The following CCDC124 variants were observed in gnomAD, a reference collection of about 807,000 sequenced individuals.
The protein encoded by CCDC124 is coiled-coil domain-containing protein 124.
In CCDC124, 9 loss-of-function variants were observed where a neutral mutation model predicts 19.8. That is an observed-to-expected ratio of 0.45 (90% CI 0.27 to 0.79). The LOEUF is 0.79. Among genes scored for constraint, CCDC124 ranks in the 30% least tolerant of loss-of-function variants. The pLI is 0.14. For synonymous variants in CCDC124, 126 were observed against 131.3 expected, an observed-to-expected ratio of 0.96 and a Z score of 0.27; for missense variants, 285 against 319.0, an observed-to-expected ratio of 0.89 and a Z score of 0.81.
Position 17,943,568 on chromosome 19 carries a change from C to T in CCDC124, c.525C>T (p.Ala175=). 2.5e-6 allele frequency: 4 copies of T among 1,612,772 alleles called. 1 individual carries two copies. The highest frequency in any genetic ancestry group is 2.2e-5 in the South Asian group (2 of 91,090). The change falls in exon 5 of 5, where the codon GCC becomes GCT. Residue 175 remains alanine, a synonymous_variant. Coordinates refer to ENST00000445755, the MANE Select transcript of CCDC124 (RefSeq NM_001136203.2). ...GACGCATGCGGGCAGCCTTCACAGCCTTTGAGGAAGCCCAGCTGCCGCGGC... is the reference window on the plus strand; with the variant it reads ...GACGCATGCGGGCAGCCTTCACAGCTTTTGAGGAAGCCCAGCTGCCGCGGC... ...PERRMRAAFT[A]FEEAQLPRLK...
At chr19:17,937,238 G>A (rs1303858913) in intron 2 of CCDC124, among the ~76,000 whole-genome samples, 1 of 150,656 alleles carries the variant, frequency 6.6e-6, no homozygotes, top group East Asian at 1.9e-4. Flanking sequence ...CTGAGATTGT[G>A]CCGTTGCACT....
rs1195559173 is a variant in CCDC124 at position 17,942,529 on chromosome 19, G to C, written c.160-127G>C. The stretch of plus-strand genomic sequence containing the variant: ...CAGCACCGGGACCTATCTTGTTCCT[G>C]GTATGTCCCCTGCACCCAGCACAGA... On this transcript the variant is annotated intron_variant, in intron 2 of 4. Transcript: ENST00000445755. This position sits in a 1 kb window ranked among gnomAD's most constrained non-coding sequence, Gnocchi z 4.2. 4 of 1,072,906 alleles carry C rather than the reference G, an allele frequency of 3.7e-6. No homozygotes were observed. Among genetic ancestry groups the C allele is most frequent in the Non-Finnish European group, 5.3e-6 (4 of 749,106 alleles). The allele number at this position is 1,072,906 out of a possible 1,614,324, so 66.5% of individuals were successfully genotyped here. A position where few individuals can be genotyped will look rare whatever the true frequency, so the allele number is the denominator to read the frequency against.
rs2031220638 is a variant in CCDC124 at position 17,942,984 on chromosome 19, C to T, written c.349+139C>T. On this transcript the variant is annotated intron_variant, in intron 3 of 4. Transcript: ENST00000445755. The surrounding 1 kb of genome is among the most constrained non-coding windows in gnomAD (Gnocchi z 4.2). ...GCAGGGTGGGTGGGTAGGCCGCCTC[C>T]TGGTAGGCCTGGCCGTGAGCAGACA... The T allele has an allele frequency of 7.7e-6, 8 of 1,038,188 alleles. No individual in the cohort carries two copies. In the South Asian group the frequency reaches 1.2e-4, roughly 15 times the overall value. 64.3% of individuals were successfully genotyped at this position (1,038,188 alleles called of 1,614,324 possible). A position where few individuals can be genotyped will look rare whatever the true frequency, so the allele number is the denominator to read the frequency against.
intron 2 of CCDC124, among the ~76,000 whole-genome samples, chr19:17,940,672 A>C (rs935692395): frequency 1.3e-5 from 2 of 150,974 alleles, no homozygotes; most frequent in African/African-American, 4.9e-5. Context: ...AGGCTGAGGC[A>C]GGAGAATCGG....
intron 2 of CCDC124, among the ~76,000 whole-genome samples, chr19:17,939,226 C>T (rs552417051): frequency 3.3e-4 from 50 of 152,004 alleles, no homozygotes; most frequent in Non-Finnish European, 6.9e-4. Flanking sequence ...GAAACCCCAT[C>T]TCTGCTAAAA....
At chr19:17,939,344 G>A (rs770554553) in intron 2 of CCDC124, among the ~76,000 whole-genome samples, 3 of 151,996 alleles carry the variant, frequency 2.0e-5, no homozygotes, top group South Asian at 2.1e-4. Flanking sequence ...GCAGTGAGCC[G>A]GGATCGCGCC....
intron 1 of CCDC124, among the ~76,000 whole-genome samples, chr19:17,935,372 A>G (rs2031036712): frequency 6.6e-6 from 1 of 151,582 alleles, no homozygotes; most frequent in Non-Finnish European, 1.5e-5. Flanking sequence ...GGAACTAGAC[A>G]GAGGTGGTAT....
At chr19:17,937,217 G>T (rs1021674356) in intron 2 of CCDC124, among the ~76,000 whole-genome samples, 2 of 150,766 alleles carry the variant, frequency 1.3e-5, no homozygotes, top group African/African-American at 2.5e-5. Flanking sequence ...GGAGGCGGAG[G>T]TTGCAATGAG....
chr19:17,940,205 C>T (rs1010083383), intron 2 of CCDC124, among the ~76,000 whole-genome samples: 1 of 152,024 alleles, frequency 6.6e-6, no homozygotes, highest in Non-Finnish European at 1.5e-5. Context: ...GAGCCACCGC[C>T]TCTGGCCTGT....
intron 2 of CCDC124, among the ~76,000 whole-genome samples, chr19:17,937,216 G>A (rs564215956): frequency 4.0e-4 from 60 of 150,906 alleles, no homozygotes; most frequent in African/African-American, 1.4e-3. Context: ...AGGAGGCGGA[G>A]GTTGCAATGA....
Position 17,942,914 on chromosome 19 carries a change from A to G in CCDC124, c.349+69A>G. 1 of 1,440,876 alleles carries G rather than the reference A, an allele frequency of 6.9e-7. No homozygotes were observed. The highest frequency in any genetic ancestry group is 9.2e-7 in the Non-Finnish European group (1 of 1,092,690). 89.3% of individuals were successfully genotyped at this position (1,440,876 alleles called of 1,614,324 possible). On this transcript the variant is annotated intron_variant, in intron 3 of 4. Transcript: ENST00000445755. This position sits in a 1 kb window ranked among gnomAD's most constrained non-coding sequence, Gnocchi z 4.2. ...AGAGGCAGTGGACCTTGAGTCCATT[A>G]GCCCCCTCCTGGCCCCCAGAGAAGC... is the stretch of plus-strand genomic sequence containing the variant.
Position 17,943,865 on chromosome 19 carries a change from C to T in CCDC124, c.*150C>T. ...CATGCTCTTATCACCAGCCACCCGT[C>T]CTCCCGCCAGAGGGTCCCTGCCCCG... On this transcript the variant is annotated 3_prime_UTR_variant, in exon 5 of 5. Coordinates refer to ENST00000445755, the MANE Select transcript of CCDC124 (RefSeq NM_001136203.2). The T allele has an allele frequency of 1.4e-6, 1 of 728,210 alleles. No homozygotes were observed. Among genetic ancestry groups the T allele is most frequent in the East Asian group, 2.7e-5 (1 of 36,822 alleles). The allele number at this position is 728,210 out of a possible 1,614,324, so 45.1% of individuals were successfully genotyped here.
Position 17,943,807 on chromosome 19 carries a change from C to A in CCDC124, c.*92C>A. 7.7e-7 allele frequency: 1 copy of A among 1,305,614 alleles called. No homozygotes were observed. The highest frequency in any genetic ancestry group is 1.1e-6 in the Non-Finnish European group (1 of 938,464). 80.9% of individuals were successfully genotyped at this position (1,305,614 alleles called of 1,614,324 possible). On this transcript the variant is annotated 3_prime_UTR_variant, in exon 5 of 5. Transcript: ENST00000445755. ...CAGGTCAGCTGCGAGGGTCACAGAG[C>A]GTTCCGGGGGCCAAGGCGCCGGGCC...
chr19:17,934,045 C>G (rs1216631415), intron 1 of CCDC124, among the ~76,000 whole-genome samples: 1 of 151,966 alleles, frequency 6.6e-6, no homozygotes, highest in Non-Finnish European at 1.5e-5. Flanking sequence ...CAGAAATTGC[C>G]AGGCACTGTG....
intron 1 of CCDC124, among the ~76,000 whole-genome samples, chr19:17,933,892 G>A (rs1479559725): frequency 1.3e-5 from 2 of 152,206 alleles, no homozygotes; most frequent in African/African-American, 4.8e-5. Context: ...TCTTTCCCCA[G>A]CATCGCACAC....
chr19:17,938,578 C>A (rs1280808661), intron 2 of CCDC124, among the ~76,000 whole-genome samples: 2 of 152,090 alleles, frequency 1.3e-5, no homozygotes, highest in African/African-American at 4.8e-5. Context: ...ACATTCCCAC[C>A]TGTTTTACCC....
At chr19:17,934,319 G>A (rs926593233) in intron 1 of CCDC124, among the ~76,000 whole-genome samples, 3 of 148,936 alleles carry the variant, frequency 2.0e-5, no homozygotes, top group Non-Finnish European at 2.9e-5. Context: ...CGGGTGGGTG[G>A]AGGTTGCAGT....
Position 17,942,746 on chromosome 19 carries a change from GGCAAGGCGCCGCGGGTGGCCACGTCCA to G in CCDC124, c.257_283del (p.Ala86_Lys94del), listed in dbSNP as rs1568439433. 6.5e-7 allele frequency: 1 copy of G among 1,549,674 alleles called. No individual in the cohort carries two copies. Among genetic ancestry groups the G allele is most frequent in the South Asian group, 1.2e-5 (1 of 84,016 alleles). On this transcript the variant is annotated inframe_deletion, in exon 3 of 5. Coordinates refer to ENST00000445755, the MANE Select transcript of CCDC124 (RefSeq NM_001136203.2). The surrounding 1 kb of genome is among the most constrained non-coding windows in gnomAD (Gnocchi z 4.2). ...GGAGGAGGACTCCAAGCTCAAGGGCGGCAAGGCGCCGCGGGTGGCCACGTCCAGCAAGGTCACCCGGGCCCAGATCGA... is the reference window on the plus strand; with the variant it reads ...GGAGGAGGACTCCAAGCTCAAGGGCGGCAAGGTCACCCGGGCCCAGATCGA...
intron 2 of CCDC124, among the ~76,000 whole-genome samples, chr19:17,941,672 G>A (rs774953536): frequency 5.9e-5 from 9 of 152,064 alleles, no homozygotes; most frequent in African/African-American, 1.7e-4. Flanking sequence ...GACTTTAACC[G>A]CCCCCTCCAC....
Sources: gnomAD v4.1 joint callset for allele counts (sites outside exome capture counted in the v4.1 genomes callset) on GRCh38, gnomAD v4.1.1 for gene constraint, Gnocchi (gnomAD v3.1) non-coding constraint, MANE v1.5 for transcripts, NCBI Gene and HGNC (gene_info 2026-07-23, HGNC 2026-07-21) for gene names.